EPHA10: variants seen among roughly 807,000 people sequenced by gnomAD.
EPHA10 encodes EPH receptor A10.
Under a neutral mutation model 109.7 loss-of-function variants are expected in EPHA10, and 120 were observed. The observed-to-expected ratio is 1.09, with a 90% CI of 0.94 to 1.27. EPHA10 has a LOEUF of 1.27. Ranked by LOEUF, EPHA10 falls within the 50% of genes most tolerant of loss-of-function variation. EPHA10 has a pLI of 0.00. For missense variants in EPHA10, 1,396 were observed against 1,411.1 expected, an observed-to-expected ratio of 0.99 and a Z score of 0.17; for synonymous variants, 640 against 618.9, an observed-to-expected ratio of 1.03 and a Z score of -0.51.
At chr1:37,745,357 C>T (rs2148351619) in intron 5 of EPHA10, among the ~76,000 whole-genome samples, 1 of 152,284 alleles carries the variant, frequency 6.6e-6, no homozygotes, top group East Asian at 1.9e-4. Context: ...GCTAGGATGG[C>T]TACTGTTTAA....
intron 7 of EPHA10, among the ~76,000 whole-genome samples, chr1:37,727,453 C>A (rs1441018600): frequency 6.6e-6 from 1 of 152,180 alleles, no homozygotes; most frequent in Non-Finnish European, 1.5e-5. Flanking sequence ...CTCAGAGAGG[C>A]AGGAGTCCAG....
intron 5 of EPHA10, among the ~76,000 whole-genome samples, chr1:37,740,498 G>T (rs967988167): frequency 2.0e-5 from 3 of 152,012 alleles, no homozygotes; most frequent in Admixed American, 2.0e-4. Context: ...GTAGAGACGG[G>T]GTTTCACCAT....
chr1:37,737,831 A>T (rs1646092550), intron 5 of EPHA10: 1 of 151,764 alleles, frequency 6.6e-6, no homozygotes, highest in South Asian at 2.1e-4. Flanking sequence ...GCAGTCTTTG[A>T]AATGGGAGAA....
chr1:37,753,157 C>A lies in EPHA10; in HGVS notation c.1076G>T (p.Trp359Leu). The change falls in exon 5 of 17, where the codon TGG becomes TTG. Residue 359 changes from tryptophan (W) to leucine (L), a missense_variant. Physicochemically the swap from Trp to Leu is moderately conservative, Grantham distance 61. Transcript: ENST00000373048. ...GCCTCCCGAGTCGGCCGGCGGCAGC[C>A]AGCGCAGTCGCAGCACCAGCGGCGA... The part of the protein sequence containing the change: ...SRSPLVLRLR[W>L]LPPADSGGRS... 1 of 1,409,936 alleles carries A rather than the reference C, an allele frequency of 7.1e-7. No individual in the cohort carries two copies. 87.3% of individuals were successfully genotyped at this position (1,409,936 alleles called of 1,614,324 possible).
chr1:37,740,584 C>T (rs929160450), intron 5 of EPHA10, among the ~76,000 whole-genome samples: 7 of 152,150 alleles, frequency 4.6e-5, no homozygotes, highest in African/African-American at 7.2e-5. Flanking sequence ...GGATTACGGG[C>T]GTGAGCCACC....
At chr1:37,756,521 T>C (rs482176) in intron 3 of EPHA10, 56,794 of 152,080 alleles carry the variant, frequency 0.37, 10,676 homozygotes, top group Middle Eastern at 0.48. Context: ...CCCCTCCCTC[T>C]CTTCAAGGTC....
rs758907962 is a variant in EPHA10 at position 37,720,105 on chromosome 1, C to T, written c.2413-47G>A. 18 of 1,603,890 alleles carry T rather than the reference C, an allele frequency of 1.1e-5. No homozygotes were observed. The Admixed American group carries it at 1.3e-4, about 12-fold the overall frequency. On this transcript the variant is annotated intron_variant, in intron 13 of 16. Transcript: ENST00000373048. Reference sequence around the variant, plus strand: ...GGGCAAGGAGGAACTGGGTGACACGCAGGTTTCCCCACCCCACTGAGCCCC... The same window carrying T: ...GGGCAAGGAGGAACTGGGTGACACGTAGGTTTCCCCACCCCACTGAGCCCC...
chr1:37,755,917 C>G (rs1646389335), intron 3 of EPHA10, among the ~76,000 whole-genome samples: 1 of 152,154 alleles, frequency 6.6e-6, no homozygotes, highest in African/African-American at 2.4e-5. Context: ...CAAGAAGACG[C>G]AGTACAACAG....
At chr1:37,737,844 T>C (rs149905534) in intron 5 of EPHA10, 1 of 150,946 alleles carries the variant, frequency 6.6e-6, no homozygotes, top group Admixed American at 6.6e-5. Context: ...TGGGAGAAAA[T>C]GCTTGCTAAC....
At chr1:37,756,334 G>A (rs1569764364) in intron 3 of EPHA10, among the ~76,000 whole-genome samples, 1 of 152,224 alleles carries the variant, frequency 6.6e-6, no homozygotes, top group African/African-American at 2.4e-5. Context: ...TGTTCGCAGG[G>A]TTTCACAAAA....
chr1:37,760,328 T>A, intron 3 of EPHA10: 3 of 1,046,436 alleles, frequency 2.9e-6, no homozygotes, highest in Non-Finnish European at 3.5e-6. Context: ...AATAACCCCA[T>A]CATCACCCTC....
intron 5 of EPHA10, among the ~76,000 whole-genome samples, chr1:37,746,087 T>C (rs681868): frequency 6.8e-6 from 1 of 146,004 alleles, no homozygotes; most frequent in Non-Finnish European, 1.5e-5. Context: ...TGTCTCTCCC[T>C]TTTCTTTTCT....
chr1:37,758,951 T>C lies in EPHA10; in HGVS notation c.850+2454A>G, dbSNP rs184143181. 1.6e-4 allele frequency among the ~76,000 whole-genome samples: 25 copies of C among 152,326 alleles called. No individual in the cohort carries two copies. The East Asian group carries it at 4.6e-3, about 28-fold the overall frequency. On this transcript the variant is annotated intron_variant, in intron 3 of 16. Coordinates refer to ENST00000373048, the MANE Select transcript of EPHA10 (RefSeq NM_001099439.2). The stretch of plus-strand genomic sequence containing the variant: ...GTCAAAGGGGACTCCTTTCTCCTCC[T>C]GTATCACATGGTCACTAAGTGCTGT...
intron 6 of EPHA10, among the ~76,000 whole-genome samples, chr1:37,733,465 C>T (rs1259520482): frequency 6.6e-6 from 1 of 152,180 alleles, no homozygotes; most frequent in Non-Finnish European, 1.5e-5. Flanking sequence ...GCCGTCCTCC[C>T]GTCTCAGCTT....
intron 3 of EPHA10, chr1:37,760,536 C>T: frequency 1.2e-6 from 1 of 824,896 alleles, no homozygotes; most frequent in South Asian, 5.8e-5. Context: ...AAAAATCCCC[C>T]CTGCCAGCCT....
At chr1:37,746,612 G>A (rs1295355615) in intron 5 of EPHA10, among the ~76,000 whole-genome samples, 1 of 152,026 alleles carries the variant, frequency 6.6e-6, no homozygotes, top group Non-Finnish European at 1.5e-5. Flanking sequence ...CATGAAAACT[G>A]AAAATATATG....
At chr1:37,759,943 G>A (rs1646417767) in intron 3 of EPHA10, among the ~76,000 whole-genome samples, 1 of 152,228 alleles carries the variant, frequency 6.6e-6, no homozygotes, top group African/African-American at 2.4e-5. Context: ...GCTCAGGAAG[G>A]TTCATGCCTC....
At chr1:37,760,457 G>A (rs1323333798) in intron 3 of EPHA10, 4 of 1,054,774 alleles carry the variant, frequency 3.8e-6, no homozygotes, top group East Asian at 1.1e-4. Context: ...CACAGTGATT[G>A]TAGTTCAGAG....
At chr1:37,730,813 T>C in intron 7 of EPHA10, among the ~76,000 whole-genome samples, 1 of 151,968 alleles carries the variant, frequency 6.6e-6, no homozygotes, top group Non-Finnish European at 1.5e-5. Context: ...TGCCTCAGCC[T>C]CCCGAGTAGC....
Sources: allele counts gnomAD v4.1 joint callset (sites outside exome capture counted in the v4.1 genomes callset), GRCh38; gene constraint gnomAD v4.1.1; transcripts MANE v1.5; gene names NCBI Gene and HGNC (gene_info 2026-07-23, HGNC 2026-07-21).